The following GPC6 variants were observed in gnomAD, a reference collection of about 807,000 sequenced individuals.
GPC6 encodes the protein glypican 6.
Under a neutral mutation model 55.2 loss-of-function variants are expected in GPC6, and 14 were observed. The observed-to-expected ratio is 0.25, with a 90% CI of 0.17 to 0.40. GPC6 has a LOEUF of 0.40. Among genes scored for constraint, GPC6 ranks in the 10% least tolerant of loss-of-function variants. GPC6 has a pLI of 1.00. For missense variants in GPC6, 641 were observed against 708.5 expected (o/e 0.90, Z 1.08); for synonymous variants, 278 against 259.6 (o/e 1.07, Z -0.68).
intron 4 of GPC6, among the ~76,000 whole-genome samples, chr13:94,033,632 C>T (rs531807332): frequency 2.0e-5 from 3 of 152,286 alleles, no homozygotes; most frequent in African/African-American, 7.2e-5. Flanking sequence ...TTTCAAAGAC[C>T]TTCTCAGGCA....
At chr13:93,392,876 C>T (rs1395685404) in intron 1 of GPC6, among the ~76,000 whole-genome samples, 1 of 152,116 alleles carries the variant, frequency 6.6e-6, no homozygotes, top group Admixed American at 6.5e-5. Flanking sequence ...GTGTGATTAG[C>T]TGTTACATTC....
intron 4 of GPC6, among the ~76,000 whole-genome samples, chr13:94,259,152 T>A (rs1019195023): frequency 6.6e-6 from 1 of 151,696 alleles, no homozygotes; most frequent in African/African-American, 2.4e-5. Context: ...CCCCTTCTCA[T>A]TGGAAGCTTT....
At chr13:93,759,390 A>T (rs937550921) in intron 2 of GPC6, among the ~76,000 whole-genome samples, 6 of 152,194 alleles carry the variant, frequency 3.9e-5, no homozygotes, top group Admixed American at 3.3e-4. Context: ...GCATTGAAGG[A>T]TACATTATTT....
At chr13:94,380,335 C>G (rs1880104594) in intron 6 of GPC6, among the ~76,000 whole-genome samples, 1 of 152,020 alleles carries the variant, frequency 6.6e-6, no homozygotes, top group Non-Finnish European at 1.5e-5. Flanking sequence ...GAATGAGTGG[C>G]CTATTGTGGG....
chr13:93,779,642 C>T (rs922625133), intron 2 of GPC6, among the ~76,000 whole-genome samples: 2 of 152,176 alleles, frequency 1.3e-5, no homozygotes, highest in African/African-American at 2.4e-5. Context: ...ACCTAAATGG[C>T]TTATGTTAGC....
intron 1 of GPC6, among the ~76,000 whole-genome samples, chr13:93,397,035 T>C (rs1422601957): frequency 2.0e-5 from 3 of 152,210 alleles, no homozygotes; most frequent in Non-Finnish European, 4.4e-5. Context: ...CCTTCATCAT[T>C]TGTTTCCAAC....
chr13:93,706,682 G>T (rs892654903), intron 2 of GPC6, among the ~76,000 whole-genome samples: 1 of 151,812 alleles, frequency 6.6e-6, no homozygotes, highest in South Asian at 2.1e-4. Context: ...TAAATTTAAA[G>T]AACCCAGGAG....
intron 1 of GPC6, among the ~76,000 whole-genome samples, chr13:93,373,705 TAACTA>T (rs1366265045): frequency 6.6e-6 from 1 of 152,204 alleles, no homozygotes; most frequent in Non-Finnish European, 1.5e-5. Context: ...AAGATAGTAT[TAACTA>T]AACAAATTTA....
intron 4 of GPC6, among the ~76,000 whole-genome samples, chr13:94,031,793 G>T (rs917672100): frequency 1.3e-5 from 2 of 152,170 alleles, no homozygotes; most frequent in South Asian, 2.1e-4. Flanking sequence ...TGTTATCAAC[G>T]CTCCATAGAT....
intron 1 of GPC6, among the ~76,000 whole-genome samples, chr13:93,262,758 T>C (rs1036820174): frequency 1.3e-5 from 2 of 152,190 alleles, no homozygotes; most frequent in African/African-American, 2.4e-5. Context: ...AAATATATCA[T>C]ACTTGATTTA....
chr13:93,982,382 A>G (rs1169784982), intron 3 of GPC6, among the ~76,000 whole-genome samples: 2 of 152,216 alleles, frequency 1.3e-5, no homozygotes, highest in Non-Finnish European at 2.9e-5. Context: ...CTCTGGAAGC[A>G]GAGAGGTGAG....
intron 1 of GPC6, among the ~76,000 whole-genome samples, chr13:93,232,030 C>G (rs1297841845): frequency 6.6e-6 from 1 of 151,928 alleles, no homozygotes; most frequent in East Asian, 1.9e-4. Context: ...TTTCCTTTCT[C>G]TGGAAACCTG....
chr13:93,492,792 G>A (rs1880075931), intron 1 of GPC6, among the ~76,000 whole-genome samples: 1 of 150,614 alleles, frequency 6.6e-6, no homozygotes, highest in East Asian at 2.0e-4. Flanking sequence ...TGTGGTTTTT[G>A]TCTTTGGCTC....
intron 4 of GPC6, among the ~76,000 whole-genome samples, chr13:94,050,140 C>T (rs2138752055): frequency 6.6e-6 from 1 of 152,200 alleles, no homozygotes; most frequent in South Asian, 2.1e-4. Context: ...ATCATGAAAA[C>T]AAATACAGGT....
chr13:93,647,559 A>G (rs1023970431), intron 2 of GPC6, among the ~76,000 whole-genome samples: 4 of 152,184 alleles, frequency 2.6e-5, no homozygotes, highest in Admixed American at 2.0e-4. Flanking sequence ...TGCAGAGACC[A>G]GACATGACTT....
chr13:93,285,742 A>G (rs1878102959), intron 1 of GPC6, among the ~76,000 whole-genome samples: 1 of 151,844 alleles, frequency 6.6e-6, no homozygotes, highest in Non-Finnish European at 1.5e-5. Flanking sequence ...AGCAAAACTC[A>G]GGATAGCTTT....
chr13:94,347,388 T>G (rs1425812822), intron 6 of GPC6, among the ~76,000 whole-genome samples: 1 of 151,836 alleles, frequency 6.6e-6, no homozygotes, highest in African/African-American at 2.4e-5. Context: ...GCTCCCCTAG[T>G]TTTCAAATAT....
At chr13:93,354,804 A>C (rs1880785838) in intron 1 of GPC6, among the ~76,000 whole-genome samples, 1 of 152,168 alleles carries the variant, frequency 6.6e-6, no homozygotes, top group Non-Finnish European at 1.5e-5. Flanking sequence ...CTGTGCGTGG[A>C]CAGAGAATCC....
At chr13:93,927,628 T>C (rs1296653075) in intron 3 of GPC6, among the ~76,000 whole-genome samples, 1 of 150,790 alleles carries the variant, frequency 6.6e-6, no homozygotes, top group African/African-American at 2.4e-5. Context: ...ATCTACTGCA[T>C]AGTAAAATAC....
Sources: gnomAD v4.1 joint callset for allele counts (sites outside exome capture counted in the v4.1 genomes callset) on GRCh38, gnomAD v4.1.1 for gene constraint, MANE v1.5 for transcripts, NCBI Gene and HGNC (gene_info 2026-07-23, HGNC 2026-07-21) for gene names.